The following ATP9A variants were observed in gnomAD, a reference collection of about 807,000 sequenced individuals.
ATP9A encodes ATPase phospholipid transporting 9A, also known as probable phospholipid-transporting ATPase IIA.
A neutral mutation model predicts 144.1 loss-of-function variants in ATP9A; 52 were observed. The ratio of observed to expected loss-of-function variants is 0.36; its 90% CI spans 0.29 to 0.45. The LOEUF (loss-of-function observed/expected upper bound fraction) is 0.45. Among genes scored for constraint, ATP9A ranks in the 20% least tolerant of loss-of-function variants. ATP9A has a pLI of 1.00. For synonymous variants in ATP9A, 582 were observed against 557.4 expected (o/e 1.04, Z -0.62); for missense variants, 947 against 1,392.7 (o/e 0.68, Z 5.09).
intron 12 of ATP9A, 40 bp downstream of exon 12, chr20:51,671,075 C>T: frequency 2.5e-6 from 4 of 1,599,458 alleles, no homozygotes; most frequent in Non-Finnish European, 2.6e-6. Flanking sequence ...GGCATCTTCT[C>T]TCACCAGGAA....
intron 27 of ATP9A, among the ~76,000 whole-genome samples, chr20:51,604,426 G>A (rs530371321): frequency 2.7e-4 from 41 of 152,208 alleles, no homozygotes; most frequent in African/African-American, 9.9e-4. Flanking sequence ...AAGGTTCTGG[G>A]GCTCGGCACC....
At chr20:51,726,131 G>A (rs903149894) in intron 2 of ATP9A, among the ~76,000 whole-genome samples, 199 bp from the exon 3 acceptor site, 5 of 151,964 alleles carry the variant, frequency 3.3e-5, no homozygotes, top group Non-Finnish European at 7.4e-5. Context: ...TGACCAACAT[G>A]GCGAAACCCT....
chr20:51,760,548 G>C (rs1039547705), intron 1 of ATP9A, among the ~76,000 whole-genome samples: 3 of 151,662 alleles, frequency 2.0e-5, no homozygotes, highest in Non-Finnish European at 4.4e-5. Flanking sequence ...CCAACATGGC[G>C]AAACCCCGTC....
chr20:51,617,690 T>C, intron 21 of ATP9A, 136 bp from the exon 22 acceptor site: 7 of 935,620 alleles, frequency 7.5e-6, no homozygotes, highest in Non-Finnish European at 9.9e-6. Context: ...ATTCCATCTC[T>C]CCAACCCCTT....
chr20:51,697,235 TTGTGTGTGTG>T (rs750334118), intron 5 of ATP9A, among the ~76,000 whole-genome samples, 179 bp downstream of exon 5: 2 of 139,670 alleles, frequency 1.4e-5, no homozygotes, highest in African/African-American at 5.1e-5. Context: ...GAAAAAATAT[TTGTGTGTGTG>T]TGTGTCTGTG....
rs1391647562 is a variant in ATP9A at position 51,598,433 on chromosome 20, T to TC, written c.*2777dup. 1 of 152,178 alleles carries TC rather than the reference T, an allele frequency of 6.6e-6. No homozygotes were observed. The highest frequency in any genetic ancestry group is 1.9e-4 in the East Asian group (1 of 5,202). The allele number at this position is 152,178 out of a possible 1,614,324, so 9.4% of individuals were successfully genotyped here. ...CTCTGACCTCAAATTAAATTGGCTG[T>TC]CAAAGACTTACGGCCCATGGAGCTC... On this transcript the variant is annotated 3_prime_UTR_variant, in exon 28 of 28. Transcript: ENST00000338821.
At position 51,700,991 on chromosome 20, in the gene ATP9A, AGG is replaced by A. The variant is rs202003625; in HGVS notation, c.437-3511_437-3510del. 3.6e-3 allele frequency among the ~76,000 whole-genome samples: 549 copies of A among 152,306 alleles called. 11 individuals are homozygous for A. The East Asian group carries it at 0.059, about 16-fold the overall frequency. On this transcript the variant is annotated intron_variant, in intron 4 of 27. Coordinates refer to ENST00000338821, the MANE Select transcript of ATP9A (RefSeq NM_006045.3). ...CTGTCGTTTTTCTGGGAGCTCAGGA[AGG>A]TATTACTTGAAGGAAGACCGTAAAT...
intron 27 of ATP9A, among the ~76,000 whole-genome samples, chr20:51,604,205 G>A (rs1416802852): frequency 1.3e-5 from 2 of 152,114 alleles, no homozygotes; most frequent in African/African-American, 2.4e-5. Flanking sequence ...TTTATCGTGT[G>A]TTCCCAACGA....
At chr20:51,646,034 C>T (rs774211631) in intron 14 of ATP9A, among the ~76,000 whole-genome samples, 5 of 152,120 alleles carry the variant, frequency 3.3e-5, no homozygotes, top group Non-Finnish European at 7.4e-5. Flanking sequence ...GGATAAAATG[C>T]TGGAAAGGTA....
At chr20:51,714,423 C>A (rs1568832719) in intron 3 of ATP9A, among the ~76,000 whole-genome samples, 1 of 151,578 alleles carries the variant, frequency 6.6e-6, no homozygotes. Context: ...ACTCTGTTAC[C>A]CAGGATGGAG....
intron 15 of ATP9A, among the ~76,000 whole-genome samples, chr20:51,636,583 AAGCCAGGC>A (rs2077293177): frequency 6.7e-6 from 1 of 148,158 alleles, no homozygotes; most frequent in Non-Finnish European, 1.5e-5. Flanking sequence ...TGGGAGCTGG[AAGCCAGGC>A]AGCCTGGAGT....
At chr20:51,722,589 A>G (rs1397364849) in intron 3 of ATP9A, among the ~76,000 whole-genome samples, 1 of 152,258 alleles carries the variant, frequency 6.6e-6, no homozygotes, top group Non-Finnish European at 1.5e-5. Context: ...AACATATGAA[A>G]AAATGATCAA....
At chr20:51,741,989 T>G (rs1241274350) in intron 1 of ATP9A, among the ~76,000 whole-genome samples, 1 of 152,192 alleles carries the variant, frequency 6.6e-6, no homozygotes, top group African/African-American at 2.4e-5. Flanking sequence ...ATATAAACTA[T>G]TTGTTTAAAA....
At chr20:51,643,401 C>T (rs1601077527) in intron 14 of ATP9A, among the ~76,000 whole-genome samples, 1 of 151,998 alleles carries the variant, frequency 6.6e-6, no homozygotes, top group Non-Finnish European at 1.5e-5. Context: ...TGTTTATGTC[C>T]CCTAAAATTC....
chr20:51,622,943 T>C (rs1226743791), intron 18 of ATP9A, among the ~76,000 whole-genome samples: 1 of 152,158 alleles, frequency 6.6e-6, no homozygotes, highest in African/African-American at 2.4e-5. Context: ...CTCCTGAGTG[T>C]CCACTACGTG....
At chr20:51,708,345 T>C (rs35629814) in intron 4 of ATP9A, among the ~76,000 whole-genome samples, 8,453 of 151,342 alleles carry the variant, frequency 0.056, 422 homozygotes, top group African/African-American at 0.13. Context: ...ATCTAAAATG[T>C]TGAAAACTAA....
At chr20:51,624,211 A>G (rs1275390876) in intron 18 of ATP9A, among the ~76,000 whole-genome samples, 2 of 152,194 alleles carry the variant, frequency 1.3e-5, no homozygotes, top group East Asian at 3.8e-4. Flanking sequence ...ACAGGCACGC[A>G]GGGGTGGGAG....
chr20:51,680,588 G>A (rs139842626), intron 9 of ATP9A, among the ~76,000 whole-genome samples: 3 of 152,154 alleles, frequency 2.0e-5, no homozygotes, highest in South Asian at 2.1e-4. Flanking sequence ...TGATACAGAC[G>A]GACCTCAGCA....
intron 13 of ATP9A, among the ~76,000 whole-genome samples, chr20:51,661,526 C>CTTT (rs533280164): frequency 2.9e-4 from 32 of 108,726 alleles, no homozygotes; most frequent in African/African-American, 3.7e-4. Flanking sequence ...CCATGCCCAG[C>CTTT]TTTTTTTTTT....
Sources: allele counts gnomAD v4.1 joint callset (sites outside exome capture counted in the v4.1 genomes callset), GRCh38; gene constraint gnomAD v4.1.1; transcripts MANE v1.5; gene names NCBI Gene and HGNC (gene_info 2026-07-23, HGNC 2026-07-21).